ROR1: variants seen among roughly 807,000 people sequenced by gnomAD.
ROR1 encodes the protein inactive tyrosine-protein kinase transmembrane receptor ROR1.
ROR1 carries 19 observed loss-of-function variants against 78.8 expected under a neutral mutation model. The observed-to-expected ratio is 0.24, with a 90% CI of 0.17 to 0.35. The LOEUF (loss-of-function observed/expected upper bound fraction) is 0.35. Ranked by LOEUF, ROR1 falls within the 10% of genes least tolerant of loss-of-function variation. ROR1 has a pLI of 1.00. For missense variants in ROR1, 917 were observed against 1,177.8 expected (o/e 0.78, Z 3.24); for synonymous variants, 386 against 433.6 (o/e 0.89, Z 1.36).
intron 4 of ROR1, among the ~76,000 whole-genome samples, chr1:64,052,299 G>C (rs934244907): frequency 2.1e-4 from 32 of 150,878 alleles, no homozygotes; most frequent in African/African-American, 7.8e-4. Context: ...CTCCCACCCT[G>C]GTACCTTATT....
intron 1 of ROR1, among the ~76,000 whole-genome samples, chr1:63,881,459 T>A (rs755907626): frequency 6.6e-6 from 1 of 152,152 alleles, no homozygotes; most frequent in Non-Finnish European, 1.5e-5. Context: ...ACATGAGGGC[T>A]ATGGACACCA....
rs148087142 is a variant in ROR1 at position 63,787,177 on chromosome 1, C to T, written c.91+12669C>T. ...TTCTTCTTGCTGAATTCTTGTTCTT[C>T]AAACTGTATTGCATCCACATCCAGG... On this transcript the variant is annotated intron_variant, in intron 1 of 8. Transcript: ENST00000371079. 4.3e-3 allele frequency among the ~76,000 whole-genome samples: 650 copies of T among 152,258 alleles called. 3 individuals carry two copies. The highest frequency in any genetic ancestry group is 0.024 in the Middle Eastern group (7 of 294).
chr1:63,839,114 G>T (rs113599244), intron 1 of ROR1, among the ~76,000 whole-genome samples: 1 of 152,152 alleles, frequency 6.6e-6, no homozygotes, highest in Non-Finnish European at 1.5e-5. Context: ...GTTAAGTGAC[G>T]CATGGCTGTA....
intron 4 of ROR1, among the ~76,000 whole-genome samples, chr1:64,066,484 A>G (rs1646957502): frequency 6.6e-6 from 1 of 151,870 alleles, no homozygotes; most frequent in South Asian, 2.1e-4. Context: ...TGCCTGACTA[A>G]TTTTTTGTAT....
chr1:64,120,090 G>C (rs769780213), intron 4 of ROR1, among the ~76,000 whole-genome samples: 3 of 152,190 alleles, frequency 2.0e-5, no homozygotes, highest in Non-Finnish European at 2.9e-5. Flanking sequence ...CTCCAAAGAC[G>C]CAATGTGCAC....
intron 1 of ROR1, among the ~76,000 whole-genome samples, chr1:63,853,243 T>C (rs1645125360): frequency 6.6e-6 from 1 of 152,216 alleles, no homozygotes; most frequent in African/African-American, 2.4e-5. Flanking sequence ...GGTGATGTAC[T>C]TTATATCAGC....
chr1:64,020,680 G>T (rs753669684), intron 2 of ROR1, among the ~76,000 whole-genome samples: 48 of 152,174 alleles, frequency 3.2e-4, no homozygotes, highest in Admixed American at 5.2e-4. Context: ...GGGTTTGAGG[G>T]CTTACAGCTC....
At chr1:64,016,226 C>T (rs892895307) in intron 2 of ROR1, among the ~76,000 whole-genome samples, 2 of 152,022 alleles carry the variant, frequency 1.3e-5, no homozygotes, top group Admixed American at 6.6e-5. Context: ...TCCAATGCTG[C>T]GTGAACCAGT....
chr1:64,043,384 G>A (rs1193724316), intron 2 of ROR1, among the ~76,000 whole-genome samples: 1 of 152,136 alleles, frequency 6.6e-6, no homozygotes, highest in Non-Finnish European at 1.5e-5. Flanking sequence ...GTGCTGAGGG[G>A]AATACAAAAA....
In ROR1 at chr1:63,911,405, C is replaced by T. The variant is rs147192920; in HGVS notation, c.92-97900C>T. Among the ~76,000 whole-genome samples the T allele has an allele frequency of 2.6e-5, 4 of 152,106 alleles. No individual in the cohort carries two copies. The East Asian group carries it at 7.7e-4, about 29-fold the overall frequency. The stretch of plus-strand genomic sequence containing the variant: ...GAGCCTCACAGCAGAAGGTGAGTGG[C>T]AGGTGAGCGAGCATTACTACCTGAG... On this transcript the variant is annotated intron_variant, in intron 1 of 8. Coordinates refer to ENST00000371079, the MANE Select transcript of ROR1 (RefSeq NM_005012.4).
At chr1:64,088,910 T>C (rs1647174308) in intron 4 of ROR1, among the ~76,000 whole-genome samples, 1 of 152,190 alleles carries the variant, frequency 6.6e-6, no homozygotes, top group Non-Finnish European at 1.5e-5. Flanking sequence ...TCTGCAGAAC[T>C]GAGAAAGTAT....
chr1:63,883,952 T>A (rs1390136903), intron 1 of ROR1, among the ~76,000 whole-genome samples: 1 of 152,188 alleles, frequency 6.6e-6, no homozygotes, highest in Non-Finnish European at 1.5e-5. Flanking sequence ...TACTCCTGGT[T>A]TCTTCCAAAA....
At chr1:63,844,590 G>C (rs988667564) in intron 1 of ROR1, among the ~76,000 whole-genome samples, 13 of 152,168 alleles carry the variant, frequency 8.5e-5, no homozygotes, top group Non-Finnish European at 1.9e-4. Context: ...TTGGGGTCTA[G>C]GGATGAAGGG....
chr1:64,046,637 G>C (rs1646787493), intron 2 of ROR1, among the ~76,000 whole-genome samples: 1 of 152,220 alleles, frequency 6.6e-6, no homozygotes, highest in Non-Finnish European at 1.5e-5. Context: ...CTTGGCTGAA[G>C]TTAGGGGAAG....
intron 1 of ROR1, among the ~76,000 whole-genome samples, chr1:63,910,567 C>T (rs1325220802): frequency 3.3e-5 from 5 of 152,146 alleles, no homozygotes; most frequent in Non-Finnish European, 5.9e-5. Context: ...GGCCTGTCCC[C>T]TCCAGGAAGC....
At chr1:63,937,550 C>A (rs530061231) in intron 1 of ROR1, among the ~76,000 whole-genome samples, 2 of 152,014 alleles carry the variant, frequency 1.3e-5, no homozygotes, top group African/African-American at 4.8e-5. Flanking sequence ...TGTGTGGTGA[C>A]CACATCTCAT....
intron 1 of ROR1, among the ~76,000 whole-genome samples, chr1:63,832,172 A>G (rs656301): frequency 0.23 from 34,823 of 152,056 alleles, 4,662 homozygotes; most frequent in African/African-American, 0.37. Flanking sequence ...AGTCTCTAGG[A>G]AGTTCCAAAC....
At chr1:63,887,351 T>C (rs1645364451) in intron 1 of ROR1, among the ~76,000 whole-genome samples, 1 of 152,214 alleles carries the variant, frequency 6.6e-6, no homozygotes, top group Non-Finnish European at 1.5e-5. Context: ...AATGCTTATT[T>C]TGAATACATG....
chr1:63,955,902 G>A lies in ROR1; in HGVS notation c.92-53403G>A, dbSNP rs950546328. ...GTTTTGAAGGCCATCTGAGTCCTAGGCCTTTGTGCGTGACCCATAATTATC... is the reference window on the plus strand; with the variant it reads ...GTTTTGAAGGCCATCTGAGTCCTAGACCTTTGTGCGTGACCCATAATTATC... On this transcript the variant is annotated intron_variant, in intron 1 of 8. Coordinates refer to ENST00000371079, the MANE Select transcript of ROR1 (RefSeq NM_005012.4). 2.0e-5 allele frequency among the ~76,000 whole-genome samples: 3 copies of A among 152,320 alleles called. No individual in the cohort carries two copies. The South Asian group carries it at 6.2e-4, about 32-fold the overall frequency.
Sources: allele counts gnomAD v4.1 joint callset (sites outside exome capture counted in the v4.1 genomes callset), GRCh38; gene constraint gnomAD v4.1.1; transcripts MANE v1.5; gene names NCBI Gene and HGNC (gene_info 2026-07-23, HGNC 2026-07-21).